Variants in KIDINS220 observed in about 807,000 individuals in gnomAD.
KIDINS220 encodes the protein kinase D-interacting substrate of 220 kDa.
Under a neutral mutation model 157.6 loss-of-function variants are expected in KIDINS220, and 63 were observed. The observed-to-expected ratio is 0.40, with a 90% CI of 0.33 to 0.49. The LOEUF is 0.49. Ranked by LOEUF, KIDINS220 falls within the 20% of genes least tolerant of loss-of-function variation. The probability of loss-of-function intolerance (pLI) is 0.66; values close to 1 mark genes in which losing one functional copy is unlikely to be tolerated. For missense variants in KIDINS220, 1,772 were observed against 2,171.2 expected (o/e 0.82, Z 3.65); for synonymous variants, 732 against 783.6 (o/e 0.93, Z 1.10).
At chr2:8,755,337 G>A (rs1189001101) in intron 22 of KIDINS220, among the ~76,000 whole-genome samples, 1 of 152,102 alleles carries the variant, frequency 6.6e-6, no homozygotes, top group Non-Finnish European at 1.5e-5. Context: ...TGCATAATAT[G>A]TATCATAATT....
intron 2 of KIDINS220, among the ~76,000 whole-genome samples, chr2:8,822,340 G>A (rs1678098997): frequency 6.6e-6 from 1 of 152,086 alleles, no homozygotes. Context: ...TCTATTTACA[G>A]GCCAGGCGCA....
At chr2:8,765,428 T>C (rs1401150494) in intron 22 of KIDINS220, among the ~76,000 whole-genome samples, 1 of 151,992 alleles carries the variant, frequency 6.6e-6, no homozygotes, top group African/African-American at 2.4e-5. Flanking sequence ...AGCCAGACCA[T>C]GGCAAGAAAC....
intron 8 of KIDINS220, among the ~76,000 whole-genome samples, chr2:8,801,380 A>G (rs149960697): frequency 6.6e-4 from 100 of 152,298 alleles, no homozygotes; most frequent in Middle Eastern, 3.4e-3. Flanking sequence ...CCACATTTAT[A>G]GCAGAAATAA....
At chr2:8,770,325 G>A (rs959301629) in intron 22 of KIDINS220, among the ~76,000 whole-genome samples, 4 of 152,158 alleles carry the variant, frequency 2.6e-5, no homozygotes, top group African/African-American at 9.7e-5. Flanking sequence ...AGGATGACTT[G>A]AGTCCAGGAG....
intron 6 of KIDINS220, among the ~76,000 whole-genome samples, chr2:8,807,860 G>A (rs543876261): frequency 1.9e-4 from 29 of 152,322 alleles, no homozygotes; most frequent in African/African-American, 7.0e-4. Context: ...TGTGGCTCAC[G>A]CCTGTAATCC....
chr2:8,794,005 G>A lies in KIDINS220; in HGVS notation c.1099-18C>T, dbSNP rs189545960. ...TCTCCTTTCTGTAAAATAATAGTAC[G>A]AAACTTGAACTTTCTTATCTTTATA... On this transcript the variant is annotated intron_variant, in intron 11 of 29. Transcript: ENST00000256707. 2.9e-4 allele frequency: 456 copies of A among 1,571,042 alleles called. 3 individuals are homozygous for A. Among genetic ancestry groups the A allele is most frequent in the Middle Eastern group, 1.5e-3 (9 of 5,860 alleles).
chr2:8,835,167 G>C (rs1680224352), intron 1 of KIDINS220, among the ~76,000 whole-genome samples: 1 of 152,102 alleles, frequency 6.6e-6, no homozygotes, highest in Admixed American at 6.5e-5. Context: ...ATTTATTAAG[G>C]GCTGTCTCTC....
rs1282842892 is a variant in KIDINS220, at chr2:8,813,341, C to A, written c.307-6G>T. ...ATAAGAGCTGTCCATCCTCCCTAAA[C>A]AAAAAATGTAGGGGTAAGGGAATCA... On this transcript the variant is annotated splice_polypyrimidine_tract_variant and splice_region_variant and intron_variant, in intron 4 of 29. Transcript: ENST00000256707. 1.9e-6 allele frequency: 3 copies of A among 1,595,186 alleles called. No individual in the cohort carries two copies. Among genetic ancestry groups the A allele is most frequent in the Admixed American group, 1.8e-5 (1 of 56,860 alleles).
chr2:8,827,780 A>G (rs2148439306), intron 1 of KIDINS220, among the ~76,000 whole-genome samples: 1 of 152,370 alleles, frequency 6.6e-6, no homozygotes, highest in Non-Finnish European at 1.5e-5. Flanking sequence ...GTATCAAAAC[A>G]TCACATTGTA....
chr2:8,812,128 T>C (rs1256800267), intron 6 of KIDINS220, among the ~76,000 whole-genome samples: 1 of 152,106 alleles, frequency 6.6e-6, no homozygotes, highest in Admixed American at 6.6e-5. Context: ...AATAGAAAAC[T>C]TCAAACAATG....
At chr2:8,748,728 A>G (rs182896717) in intron 24 of KIDINS220, among the ~76,000 whole-genome samples, 7 of 152,318 alleles carry the variant, frequency 4.6e-5, no homozygotes, top group African/African-American at 1.7e-4. Flanking sequence ...AGCTTAGAGG[A>G]ATTATTCTGC....
At position 8,786,369 on chromosome 2, in the gene KIDINS220, G is replaced by T; in HGVS notation, c.1788-12C>A. On this transcript the variant is annotated splice_polypyrimidine_tract_variant and intron_variant, in intron 15 of 29. Transcript: ENST00000256707. ...CTGTAAACAAAAACCTTGAAGAAAA[G>T]AACAAATCAAACATTACTTTATTAT... is the stretch of plus-strand genomic sequence containing the variant. 3 of 1,603,680 alleles carry T rather than the reference G, an allele frequency of 1.9e-6. No individual in the cohort carries two copies. Among genetic ancestry groups the T allele is most frequent in the Admixed American group, 1.7e-5 (1 of 59,622 alleles).
chr2:8,807,264 A>G (rs1028461909), intron 6 of KIDINS220, among the ~76,000 whole-genome samples: 1 of 152,220 alleles, frequency 6.6e-6, no homozygotes, highest in African/African-American at 2.4e-5. Context: ...GCATCCAGGA[A>G]TATAAATCAT....
At chr2:8,773,123 G>T (rs1466889787) in intron 21 of KIDINS220, among the ~76,000 whole-genome samples, 1 of 152,126 alleles carries the variant, frequency 6.6e-6, no homozygotes, top group Non-Finnish European at 1.5e-5. Flanking sequence ...GGTGTTAGGG[G>T]CTTTTATAAA....
At chr2:8,799,361 C>T (rs1360764755) in intron 9 of KIDINS220, among the ~76,000 whole-genome samples, 2 of 151,972 alleles carry the variant, frequency 1.3e-5, no homozygotes, top group Non-Finnish European at 2.9e-5. Flanking sequence ...ACCTCAAACT[C>T]CTGGGCTCAA....
At chr2:8,762,695 C>T (rs937914073) in intron 22 of KIDINS220, among the ~76,000 whole-genome samples, 1 of 151,724 alleles carries the variant, frequency 6.6e-6, no homozygotes, top group Non-Finnish European at 1.5e-5. Context: ...GCCGAGATCG[C>T]GCCACTGCAC....
At chr2:8,742,831 C>CA (rs1197232903) in intron 26 of KIDINS220, among the ~76,000 whole-genome samples, 1 of 112,438 alleles carries the variant, frequency 8.9e-6, no homozygotes, top group African/African-American at 2.5e-5. Flanking sequence ...TCGCTGATCA[C>CA]ACAAGCATCG....
At chr2:8,820,611 C>T (rs532772874) in intron 2 of KIDINS220, among the ~76,000 whole-genome samples, 10 of 152,096 alleles carry the variant, frequency 6.6e-5, no homozygotes, top group South Asian at 2.1e-4. Context: ...CTAAATTATA[C>T]GTGGTAGCCA....
At chr2:8,813,479 G>T in intron 4 of KIDINS220, 144 bp from the exon 5 acceptor site, 1 of 564,846 alleles carries the variant, frequency 1.8e-6, no homozygotes, top group Non-Finnish European at 3.1e-6. Context: ...AAATTCCCAG[G>T]CTCCCCAAAT....
Sources: allele counts gnomAD v4.1 joint callset (sites outside exome capture counted in the v4.1 genomes callset), GRCh38; gene constraint gnomAD v4.1.1; transcripts MANE v1.5; gene names NCBI Gene and HGNC (gene_info 2026-07-23, HGNC 2026-07-21).